ZHX2: variants seen among roughly 807,000 people sequenced by gnomAD.
ZHX2 encodes zinc fingers and homeoboxes 2.
ZHX2 carries 6 observed loss-of-function variants against 21.9 expected under a neutral mutation model. The observed-to-expected ratio is 0.27, with a 90% CI of 0.15 to 0.54. The LOEUF (loss-of-function observed/expected upper bound fraction) is 0.54, where lower values mean the gene tolerates loss of function less well. Ranked by LOEUF, ZHX2 falls within the 20% of genes least tolerant of loss-of-function variation. ZHX2 has a pLI of 0.95. For missense variants in ZHX2, 908 were observed against 1,090.7 expected, an observed-to-expected ratio of 0.83 and a Z score of 2.36; for synonymous variants, 434 against 437.1, an observed-to-expected ratio of 0.99 and a Z score of 0.09.
intron 1 of ZHX2, among the ~76,000 whole-genome samples, chr8:122,855,280 T>C (rs919159682): frequency 7.9e-5 from 12 of 152,242 alleles, no homozygotes; most frequent in Non-Finnish European, 7.3e-5. Flanking sequence ...ATAAGTGAAG[T>C]TGTAACATTT....
intron 2 of ZHX2, among the ~76,000 whole-genome samples, chr8:122,876,470 A>T (rs541051640): frequency 6.6e-6 from 1 of 152,310 alleles, no homozygotes; most frequent in Admixed American, 6.5e-5. Flanking sequence ...AAGGGCTTAG[A>T]GGGTCCGCCA....
At chr8:122,879,017 C>T (rs988425448) in intron 2 of ZHX2, among the ~76,000 whole-genome samples, 1 of 152,098 alleles carries the variant, frequency 6.6e-6, no homozygotes, top group Non-Finnish European at 1.5e-5. Flanking sequence ...CTGCACTCTT[C>T]GTAGTGCCAG....
At chr8:122,864,570 G>A (rs1449135720) in intron 2 of ZHX2, among the ~76,000 whole-genome samples, 5 of 151,984 alleles carry the variant, frequency 3.3e-5, no homozygotes, top group Admixed American at 6.6e-5. Context: ...CAAGGGACTC[G>A]GCCCAAGATC....
intron 1 of ZHX2, among the ~76,000 whole-genome samples, chr8:122,820,901 G>C (rs1818133789): frequency 6.6e-6 from 1 of 152,204 alleles, no homozygotes; most frequent in African/African-American, 2.4e-5. Context: ...CGTGCCTTGA[G>C]CCTCCTGCCA....
chr8:122,951,401 C>A lies in ZHX2; in HGVS notation c.-110C>A. 1 of 955,142 alleles carries A rather than the reference C, an allele frequency of 1.0e-6. No individual in the cohort carries two copies. The highest frequency in any genetic ancestry group is 1.5e-6 in the Non-Finnish European group (1 of 653,282). 59.2% of individuals were successfully genotyped at this position (955,142 alleles called of 1,614,324 possible). A position where few individuals can be genotyped will look rare whatever the true frequency, so the allele number is the denominator to read the frequency against. ...TTCAGCACACAAGGAAAGCCAAAGC[C>A]ATTTGAGGGGGAATAAAGCCAAAAG... On this transcript the variant is annotated 5_prime_UTR_variant, in exon 3 of 4. Transcript: ENST00000314393.
intron 2 of ZHX2, among the ~76,000 whole-genome samples, chr8:122,934,259 G>A (rs115927917): frequency 0.032 from 4,921 of 152,178 alleles, 240 homozygotes; most frequent in African/African-American, 0.11. Flanking sequence ...AATTCAAACC[G>A]TTCTGTACTG....
At chr8:122,960,331 G>A (rs957012060) in intron 3 of ZHX2, among the ~76,000 whole-genome samples, 3 of 152,004 alleles carry the variant, frequency 2.0e-5, no homozygotes, top group Non-Finnish European at 2.9e-5. Flanking sequence ...CTGAGGTCAG[G>A]ACTTCGCACA....
intron 2 of ZHX2, among the ~76,000 whole-genome samples, chr8:122,903,377 C>T (rs749803226): frequency 2.6e-5 from 4 of 152,134 alleles, no homozygotes; most frequent in Admixed American, 6.5e-5. Context: ...AAGCATGACC[C>T]AGTCCTTTAA....
At chr8:122,785,496 C>G (rs1027668638) in intron 1 of ZHX2, among the ~76,000 whole-genome samples, 8 of 152,194 alleles carry the variant, frequency 5.3e-5, no homozygotes, top group Non-Finnish European at 8.8e-5. Flanking sequence ...GAATGAGTCT[C>G]AAAGAGCTTT....
At chr8:122,854,307 T>C (rs528016779) in intron 1 of ZHX2, among the ~76,000 whole-genome samples, 1 of 152,356 alleles carries the variant, frequency 6.6e-6, no homozygotes, top group African/African-American at 2.4e-5. Flanking sequence ...GGTTCCATCA[T>C]CTACAACATG....
intron 2 of ZHX2, among the ~76,000 whole-genome samples, chr8:122,948,139 A>C (rs1338365551): frequency 6.6e-6 from 1 of 152,090 alleles, no homozygotes; most frequent in Non-Finnish European, 1.5e-5. Flanking sequence ...TGTGTCACCG[A>C]GCCCCTAAGC....
At chr8:122,957,009 G>C (rs1271957741) in intron 3 of ZHX2, among the ~76,000 whole-genome samples, 1 of 152,174 alleles carries the variant, frequency 6.6e-6, no homozygotes, top group African/African-American at 2.4e-5. Flanking sequence ...GAAAACCTTT[G>C]GGGAGGAAGG....
At position 122,834,508 on chromosome 8, in the gene ZHX2, C is replaced by T. The variant is rs188886691; in HGVS notation, c.-282-28969C>T. Among the ~76,000 whole-genome samples the T allele has an allele frequency of 3.9e-3, 599 of 152,360 alleles. 2 individuals carry two copies. Among genetic ancestry groups the T allele is most frequent in the African/African-American group, 0.014 (568 of 41,578 alleles). On this transcript the variant is annotated intron_variant, in intron 1 of 3. Coordinates refer to ENST00000314393, the MANE Select transcript of ZHX2 (RefSeq NM_014943.5). Reference sequence around the variant, plus strand: ...GAGGCTTCCGTGTGGAGCTATGGCCCCGTGGGCCTGCAGGGCCCCTGATGG... The same window carrying T: ...GAGGCTTCCGTGTGGAGCTATGGCCTCGTGGGCCTGCAGGGCCCCTGATGG...
chr8:122,874,575 C>T lies in ZHX2; in HGVS notation c.-220+11036C>T, dbSNP rs191886128. On this transcript the variant is annotated intron_variant, in intron 2 of 3. Coordinates refer to ENST00000314393, the MANE Select transcript of ZHX2 (RefSeq NM_014943.5). ...CTCGAACTGCTGACCTCAAGTGATC[C>T]GCCTACCTCGGCCTCCCAAAGTGCT... 7.8e-3 allele frequency among the ~76,000 whole-genome samples: 1,180 copies of T among 152,212 alleles called. 10 individuals are homozygous for T. Among genetic ancestry groups the T allele is most frequent in the Non-Finnish European group, 0.012 (796 of 68,008 alleles).
intron 3 of ZHX2, among the ~76,000 whole-genome samples, chr8:122,961,804 A>G (rs1195255900): frequency 1.3e-5 from 2 of 152,140 alleles, no homozygotes; most frequent in Admixed American, 6.5e-5. Context: ...ACAATTCAAG[A>G]TGAGATTTGG....
rs143415780 is a variant in ZHX2 at position 122,844,886 on chromosome 8, A to T, written c.-282-18591A>T. ...TCAACTTTGCAAGTTAGAACATAAG[A>T]CATGAAGTAGTAAAGGAAAACGCTG... On this transcript the variant is annotated intron_variant, in intron 1 of 3. Transcript: ENST00000314393. Among the ~76,000 whole-genome samples the T allele has an allele frequency of 3.7e-3, 571 of 152,372 alleles. 3 individuals carry two copies. Among genetic ancestry groups the T allele is most frequent in the Middle Eastern group, 0.02 (6 of 294 alleles).
chr8:122,937,278 A>AG, intron 2 of ZHX2, among the ~76,000 whole-genome samples: 1 of 152,358 alleles, frequency 6.6e-6, no homozygotes, highest in South Asian at 2.1e-4. Context: ...ATGGGGAAGA[A>AG]GTGGAAGAAC....
chr8:122,783,444 G>A (rs117229732), intron 1 of ZHX2, among the ~76,000 whole-genome samples: 4,363 of 152,154 alleles, frequency 0.029, 88 homozygotes, highest in Non-Finnish European at 0.044. Context: ...CCTTCCCCCA[G>A]CACTTCTTGA....
intron 2 of ZHX2, among the ~76,000 whole-genome samples, chr8:122,940,659 A>T: frequency 6.6e-6 from 1 of 152,242 alleles, no homozygotes; most frequent in East Asian, 1.9e-4. Context: ...GTTGAAAAAG[A>T]CATCACAATT....
Sources: allele counts gnomAD v4.1 joint callset (sites outside exome capture counted in the v4.1 genomes callset), GRCh38; gene constraint gnomAD v4.1.1; transcripts MANE v1.5; gene names NCBI Gene and HGNC (gene_info 2026-07-23, HGNC 2026-07-21).